Variants in PTPRE observed in about 807,000 individuals in gnomAD.
PTPRE encodes protein tyrosine phosphatase receptor type E.
PTPRE carries 51 observed loss-of-function variants against 102.0 expected under a neutral mutation model. The observed-to-expected ratio is 0.50, with a 90% CI of 0.40 to 0.63. The LOEUF (loss-of-function observed/expected upper bound fraction) is 0.63, where lower values mean the gene tolerates loss of function less well. PTPRE is among the 30% of genes least tolerant of loss of function. PTPRE has a pLI of 0.00. For missense variants in PTPRE, 752 were observed against 915.1 expected (o/e 0.82, Z 2.30); for synonymous variants, 345 against 348.2 (o/e 0.99, Z 0.10).
intron 3 of PTPRE, among the ~76,000 whole-genome samples, chr10:128,044,592 G>A (rs565142386): frequency 1.3e-5 from 2 of 152,142 alleles, no homozygotes; most frequent in Non-Finnish European, 2.9e-5. Flanking sequence ...GTGTATGTAT[G>A]TATAAAATTG....
chr10:128,037,558 C>T (rs1847317952), intron 2 of PTPRE, among the ~76,000 whole-genome samples: 1 of 152,092 alleles, frequency 6.6e-6, no homozygotes, highest in Non-Finnish European at 1.5e-5. Context: ...TACCTGGCTG[C>T]CTGACCTAAG....
intron 10 of PTPRE, among the ~76,000 whole-genome samples, chr10:128,064,517 A>T (rs769593055): frequency 6.6e-6 from 1 of 152,246 alleles, no homozygotes; most frequent in African/African-American, 2.4e-5. Context: ...CTGACCCTTC[A>T]TCAGGAGCCT....
chr10:128,056,352 A>C, intron 7 of PTPRE, 139 bp downstream of exon 7: 1 of 683,018 alleles, frequency 1.5e-6, no homozygotes, highest in East Asian at 2.7e-5. Context: ...ATTTGCACCT[A>C]GGACTCCAGA....
At chr10:128,050,889 G>A (rs115490618) in intron 6 of PTPRE, among the ~76,000 whole-genome samples, 599 of 152,352 alleles carry the variant, frequency 3.9e-3, no homozygotes, top group African/African-American at 0.011. Context: ...CAGAAGCAAC[G>A]TGTGAAGGCA....
intron 20 of PTPRE, among the ~76,000 whole-genome samples, chr10:128,080,627 A>G (rs1851622285): frequency 6.6e-6 from 1 of 152,158 alleles, no homozygotes; most frequent in African/African-American, 2.4e-5. Flanking sequence ...CTTCGAGAGC[A>G]TCTGTCATCC....
chr10:127,907,719 A>C lies in PTPRE; in HGVS notation c.-31+410A>C, dbSNP rs1186371416. On this transcript the variant is annotated intron_variant, in intron 1 of 20. Transcript: ENST00000254667. The surrounding 1 kb of genome is among the most constrained non-coding windows in gnomAD (Gnocchi z 4.8). Reference sequence around the variant, plus strand: ...GCGCGTGGGGGGCTGCGCCCACTCGAGGCTGGAGGCTGGAGCCTTTGAAGA... The same window carrying C: ...GCGCGTGGGGGGCTGCGCCCACTCGCGGCTGGAGGCTGGAGCCTTTGAAGA... Among the ~76,000 whole-genome samples the C allele has an allele frequency of 6.6e-6, 1 of 151,804 alleles. No homozygotes were observed. The highest frequency in any genetic ancestry group is 2.4e-5 in the African/African-American group (1 of 41,278).
intron 9 of PTPRE, among the ~76,000 whole-genome samples, chr10:128,062,120 G>A (rs1342348928): frequency 1.3e-5 from 2 of 152,192 alleles, no homozygotes; most frequent in Admixed American, 6.5e-5. Flanking sequence ...ACCTTGCACA[G>A]GGCTACCTTG....
chr10:128,062,006 C>T (rs908558475), intron 9 of PTPRE, among the ~76,000 whole-genome samples: 1 of 57,194 alleles, frequency 1.7e-5, no homozygotes, highest in Non-Finnish European at 3.0e-5. Context: ...CTGGCTGAGC[C>T]CTACATGGCT....
chr10:127,930,275 A>G (rs1847334091), intron 1 of PTPRE, among the ~76,000 whole-genome samples: 1 of 151,918 alleles, frequency 6.6e-6, no homozygotes, highest in Non-Finnish European at 1.5e-5. Context: ...ATGCACCTTT[A>G]TGTCAGACCC....
In PTPRE at chr10:128,072,193, C is replaced by T. The variant is rs746264807; in HGVS notation, c.1443C>T (p.Tyr481=). ...SMKRGQEYTD[Y]INASFIDGYR... The stretch of plus-strand genomic sequence containing the variant: ...AAAGGGGTCAAGAATACACAGACTA[C>T]ATCAACGCATCCTTCATAGACGTAC... Residue 481 remains tyrosine (Y), a synonymous_variant, in exon 16 of 21, where the codon TAC becomes TAT. Transcript: ENST00000254667. The T allele has an allele frequency of 2.5e-6, 4 of 1,613,796 alleles. No homozygotes were observed. Among genetic ancestry groups the T allele is most frequent in the Non-Finnish European group, 3.4e-6 (4 of 1,179,894 alleles).
intron 16 of PTPRE, chr10:128,072,626 T>C (rs1850873782): frequency 8.6e-6 from 1 of 115,636 alleles, no homozygotes; most frequent in African/African-American, 3.5e-5. Context: ...TACTCCAACC[T>C]GGGCAACAGA....
At chr10:128,053,577 C>T (rs570014635) in intron 6 of PTPRE, among the ~76,000 whole-genome samples, 2 of 152,278 alleles carry the variant, frequency 1.3e-5, no homozygotes, top group Non-Finnish European at 2.9e-5. Context: ...GTGCGGTGCA[C>T]AGGGCCCGAT....
chr10:128,058,506 G>A lies in PTPRE; in HGVS notation c.511+2293G>A, dbSNP rs114845680. ...CCCGGGACTGGGGGACCAGGACGTG[G>A]CACTTCTCACATGGGTGGAAAGATG... is the stretch of plus-strand genomic sequence containing the variant. On this transcript the variant is annotated intron_variant, in intron 7 of 20. Coordinates refer to ENST00000254667, the MANE Select transcript of PTPRE (RefSeq NM_006504.6). Among the ~76,000 whole-genome samples, 1,011 of 152,332 alleles carry A rather than the reference G, an allele frequency of 6.6e-3. 13 individuals are homozygous for A. The highest frequency in any genetic ancestry group is 0.023 in the African/African-American group (970 of 41,574).
At position 128,008,397 on chromosome 10, in the gene PTPRE, G is replaced by A. The variant is rs554952288; in HGVS notation, c.-8+26101G>A. 6.6e-6 allele frequency among the ~76,000 whole-genome samples: 1 copy of A among 152,270 alleles called. No homozygotes were observed. Among genetic ancestry groups the A allele is most frequent in the Admixed American group, 6.5e-5 (1 of 15,292 alleles). On this transcript the variant is annotated intron_variant, in intron 2 of 20. Transcript: ENST00000254667. This position sits in a 1 kb window ranked among gnomAD's most constrained non-coding sequence, Gnocchi z 4.0. ...CCAAGCTCTCTCTGGACCTGAAAAA[G>A]CCTCCCATCAAGGAGAGAAATCCTA...
Position 128,082,714 on chromosome 10 carries a change from A to G in PTPRE, c.2029-118A>G, listed in dbSNP as rs1342011612. 9.4e-6 allele frequency: 11 copies of G among 1,174,724 alleles called. No individual in the cohort carries two copies. The East Asian group carries it at 3.1e-4, about 33-fold the overall frequency. The allele number at this position is 1,174,724 out of a possible 1,614,324, so 72.8% of individuals were successfully genotyped here. Reference sequence around the variant, plus strand: ...ACTAAATTACGATGTGCATAAAGGTATATGGTATTTTAATGAATAGTCACA... The same window carrying G: ...ACTAAATTACGATGTGCATAAAGGTGTATGGTATTTTAATGAATAGTCACA... On this transcript the variant is annotated intron_variant, in intron 20 of 20. Transcript: ENST00000254667.
intron 11 of PTPRE, among the ~76,000 whole-genome samples, chr10:128,067,736 A>T (rs191781197): frequency 3.9e-5 from 6 of 152,376 alleles, no homozygotes; most frequent in Admixed American, 3.9e-4. Context: ...GCTTTGCCCA[A>T]GGAAGGATGT....
At position 127,907,254 on chromosome 10, in the gene PTPRE, G is replaced by T; in HGVS notation, c.-86G>T. ...CGGAGGGCGGCGGGCAGGCGCCCGGGAGATGCGGAGCCTCCGCTGCAGCGC... is the reference window on the plus strand; with the variant it reads ...CGGAGGGCGGCGGGCAGGCGCCCGGTAGATGCGGAGCCTCCGCTGCAGCGC... On this transcript the variant is annotated 5_prime_UTR_variant, in exon 1 of 21. Transcript: ENST00000254667. The surrounding 1 kb of genome is among the most constrained non-coding windows in gnomAD (Gnocchi z 4.8). The T allele has an allele frequency of 1.0e-6, 1 of 984,662 alleles. No homozygotes were observed. The highest frequency in any genetic ancestry group is 1.2e-6 in the Non-Finnish European group (1 of 829,704). The allele number at this position is 984,662 out of a possible 1,614,324, so 61.0% of individuals were successfully genotyped here. A position where few individuals can be genotyped will look rare whatever the true frequency, so the allele number is the denominator to read the frequency against.
chr10:128,006,863 C>A (rs987141946), intron 2 of PTPRE, among the ~76,000 whole-genome samples: 2 of 152,164 alleles, frequency 1.3e-5, no homozygotes, highest in Non-Finnish European at 2.9e-5. Flanking sequence ...CTCCTCCTTC[C>A]AACCTCCCCA....
At chr10:128,049,950 A>C (rs963330566) in intron 6 of PTPRE, among the ~76,000 whole-genome samples, 1 of 152,146 alleles carries the variant, frequency 6.6e-6, no homozygotes, top group Non-Finnish European at 1.5e-5. Flanking sequence ...TGGCAGAAAC[A>C]CTGTTATCTC....
Sources: gnomAD v4.1 joint callset for allele counts (sites outside exome capture counted in the v4.1 genomes callset) on GRCh38, gnomAD v4.1.1 for gene constraint, Gnocchi (gnomAD v3.1) non-coding constraint, MANE v1.5 for transcripts, NCBI Gene and HGNC (gene_info 2026-07-23, HGNC 2026-07-21) for gene names.